The following TBCE variants were observed in gnomAD, a reference collection of about 807,000 sequenced individuals.
The protein encoded by TBCE is tubulin-specific chaperone E.
A neutral mutation model predicts 77.0 loss-of-function variants in TBCE; 53 were observed. The ratio of observed to expected loss-of-function variants is 0.69; its 90% confidence interval spans 0.55 to 0.87. The LOEUF is 0.87. Among genes scored for constraint, TBCE ranks in the 40% least tolerant of loss-of-function variants. TBCE has a pLI of 0.00. For synonymous variants in TBCE, 235 were observed against 241.3 expected, an observed-to-expected ratio of 0.97 and a Z score of 0.24; for missense variants, 624 against 622.4, an observed-to-expected ratio of 1.00 and a Z score of -0.03.
chr1:235,445,829 A>G (rs926823531), intron 15 of TBCE, among the ~76,000 whole-genome samples: 14 of 152,148 alleles, frequency 9.2e-5, no homozygotes, highest in African/African-American at 3.4e-4. Flanking sequence ...GTAATGGTAA[A>G]GATAGTAAGA....
At chr1:235,414,302 T>C in intron 3 of TBCE, 131 bp from the exon 4 acceptor site, 2 of 768,090 alleles carry the variant, frequency 2.6e-6, no homozygotes, top group Admixed American at 2.2e-5. Flanking sequence ...TATTTTAGTA[T>C]GTGATATTCT....
At chr1:235,389,398 G>C (rs531808038) in intron 2 of TBCE, among the ~76,000 whole-genome samples, 1 of 152,120 alleles carries the variant, frequency 6.6e-6, no homozygotes, top group Non-Finnish European at 1.5e-5. Flanking sequence ...CACAATCTCG[G>C]CTCATTGTAA....
intron 3 of TBCE, among the ~76,000 whole-genome samples, chr1:235,411,902 C>T (rs76325032): frequency 1.3e-5 from 2 of 151,892 alleles, no homozygotes; most frequent in Non-Finnish European, 2.9e-5. Context: ...TCACTTGCCT[C>T]CCAGTCTTTG....
chr1:235,382,057 A>G (rs1031386117), intron 2 of TBCE, among the ~76,000 whole-genome samples: 1 of 148,644 alleles, frequency 6.7e-6, no homozygotes, highest in Non-Finnish European at 1.5e-5. Flanking sequence ...GAGTGAGAAC[A>G]TGCAGTGTTT....
At chr1:235,406,541 T>G (rs903255132) in intron 3 of TBCE, among the ~76,000 whole-genome samples, 1 of 152,210 alleles carries the variant, frequency 6.6e-6, no homozygotes, top group African/African-American at 2.4e-5. Context: ...ATTTTTTCTT[T>G]TAGTTTTTGA....
chr1:235,421,399 C>T lies in TBCE; in HGVS notation c.460+1838C>T, dbSNP rs140983739. On this transcript the variant is annotated intron_variant, in intron 5 of 16. Coordinates refer to ENST00000642610, the MANE Select transcript of TBCE (RefSeq NM_003193.5). ...CACTGTACTTCAGCCTGGGAGACCC[C>T]GTTTCTATTAAGAAATTTCCCATGG... Among the ~76,000 whole-genome samples the T allele has an allele frequency of 5.1e-3, 782 of 152,072 alleles. 5 individuals carry two copies. Among genetic ancestry groups the T allele is most frequent in the African/African-American group, 0.018 (745 of 41,488 alleles).
intron 1 of TBCE, among the ~76,000 whole-genome samples, 185 bp from the exon 2 acceptor site, chr1:235,379,834 G>C (rs139840063): frequency 2.6e-5 from 4 of 151,296 alleles, no homozygotes; most frequent in African/African-American, 9.7e-5. Flanking sequence ...CTGTGGACCC[G>C]GTTACTCTGG....
At chr1:235,396,609 CAG>C (rs1369986439) in intron 2 of TBCE, among the ~76,000 whole-genome samples, 2 of 152,198 alleles carry the variant, frequency 1.3e-5, no homozygotes, top group African/African-American at 2.4e-5. Context: ...TTCCCACTAA[CAG>C]TGTGTGAGGG....
Position 235,438,848 on chromosome 1 carries a change from A to C in TBCE, c.1196A>C (p.His399Pro), listed in dbSNP as rs762203329. The change falls in exon 13 of 17, where the codon CAT becomes CCT. Residue 399 changes from histidine (H) to proline (P), a missense_variant. Coordinates refer to ENST00000642610, the MANE Select transcript of TBCE (RefSeq NM_003193.5). ...AATGAGTGGAAACAGGCTGGTGGAC[A>C]TAAGGATCCGGAAAAAAACAGACTC... ...FGNEWKQAGG[H>P]KDPEKNRLSE... The C allele has an allele frequency of 1.2e-6, 2 of 1,614,176 alleles. No homozygotes were observed. The highest frequency in any genetic ancestry group is 1.7e-6 in the Non-Finnish European group (2 of 1,180,044).
At chr1:235,434,043 C>G (rs1681267301) in intron 7 of TBCE, 161 bp from the exon 8 acceptor site, 2 of 723,710 alleles carry the variant, frequency 2.8e-6, no homozygotes, top group East Asian at 5.0e-5. Context: ...TTTATCACCC[C>G]CCACCACTAT....
At chr1:235,432,038 C>A (rs999889308) in intron 7 of TBCE, among the ~76,000 whole-genome samples, 3 of 152,006 alleles carry the variant, frequency 2.0e-5, no homozygotes, top group Admixed American at 6.6e-5. Context: ...AGTTGGAGTG[C>A]AGTGGCATGA....
Position 235,449,043 on chromosome 1 carries a change from T to TAGAA in TBCE, c.*287_*290dup, listed in dbSNP as rs535642426. ...TTCATGATAAGATTTAAATATTAAA[T>TAGAA]AGAAAGAAACTAGCTAGCCTAATAA... On this transcript the variant is annotated 3_prime_UTR_variant, in exon 17 of 17. Transcript: ENST00000642610. The TAGAA allele has an allele frequency of 5.7e-6, 2 of 350,144 alleles. No homozygotes were observed. Among genetic ancestry groups the TAGAA allele is most frequent in the Non-Finnish European group, 1.1e-5 (2 of 184,272 alleles). 21.7% of individuals were successfully genotyped at this position (350,144 alleles called of 1,614,324 possible).
At chr1:235,417,112 A>G (rs1369983521) in intron 4 of TBCE, among the ~76,000 whole-genome samples, 1 of 152,218 alleles carries the variant, frequency 6.6e-6, no homozygotes, top group East Asian at 1.9e-4. Flanking sequence ...ACCACTAAGA[A>G]GAGACTTACT....
At chr1:235,415,860 C>T (rs1680077622) in intron 4 of TBCE, 1 of 152,096 alleles carries the variant, frequency 6.6e-6, no homozygotes, top group African/African-American at 2.4e-5. Context: ...ATTAATGCCA[C>T]CACTTAGATA....
intron 15 of TBCE, among the ~76,000 whole-genome samples, chr1:235,446,662 ACTTT>A (rs1238978622): frequency 2.0e-5 from 3 of 151,286 alleles, no homozygotes; most frequent in Non-Finnish European, 4.4e-5. Context: ...AGAGATTGCT[ACTTT>A]CTTCTATAGA....
intron 8 of TBCE, among the ~76,000 whole-genome samples, chr1:235,434,739 TCTTTTAC>T (rs1681320837): frequency 3.9e-5 from 6 of 151,900 alleles, no homozygotes; most frequent in Non-Finnish European, 7.4e-5. Context: ...GGTTTCACCA[TCTTTTAC>T]GGGGTTTCAC....
intron 3 of TBCE, among the ~76,000 whole-genome samples, chr1:235,410,260 A>G (rs1679707968): frequency 6.6e-6 from 1 of 152,052 alleles, no homozygotes; most frequent in South Asian, 2.1e-4. Context: ...AAAAAATTAT[A>G]ATAAAGGAAT....
At chr1:235,404,765 G>A (rs975031662) in intron 3 of TBCE, among the ~76,000 whole-genome samples, 3 of 150,712 alleles carry the variant, frequency 2.0e-5, no homozygotes, top group African/African-American at 4.9e-5. Flanking sequence ...GGGTTCCAAC[G>A]ATTCTCTTGC....
At chr1:235,425,097 G>A (rs1032247169) in intron 5 of TBCE, among the ~76,000 whole-genome samples, 1 of 152,034 alleles carries the variant, frequency 6.6e-6, no homozygotes, top group East Asian at 1.9e-4. Flanking sequence ...ACTCCTCCAC[G>A]GCCTGCCCTC....
Sources: gnomAD v4.1 joint callset for allele counts (sites outside exome capture counted in the v4.1 genomes callset) on GRCh38, gnomAD v4.1.1 for gene constraint, MANE v1.5 for transcripts, NCBI Gene and HGNC (gene_info 2026-07-23, HGNC 2026-07-21) for gene names.